CDH23: variants seen among roughly 807,000 people sequenced by gnomAD.
CDH23 encodes the protein cadherin related 23.
A neutral mutation model predicts 317.1 loss-of-function variants in CDH23; 189 were observed. That is an observed-to-expected ratio of 0.60 (90% CI 0.53 to 0.67). The LOEUF is 0.67. Ranked by LOEUF, CDH23 falls within the 30% of genes least tolerant of loss-of-function variation. The probability of loss-of-function intolerance (pLI) is 0.00; values close to 1 mark genes in which losing one functional copy is unlikely to be tolerated. For missense variants in CDH23, 4,401 were observed against 4,592.4 expected (o/e 0.96, Z 1.20); for synonymous variants, 1,839 against 1,876.8 (o/e 0.98, Z 0.52).
intron 14 of CDH23, among the ~76,000 whole-genome samples, chr10:71,659,903 G>A (rs1206235325): frequency 1.3e-5 from 2 of 151,092 alleles, no homozygotes; most frequent in Middle Eastern, 3.5e-3. Context: ...TCCAGACTTA[G>A]ATCACCCAGG....
Position 71,734,234 on chromosome 10 carries a change from C to A in CDH23, c.4105-6C>A. 6.2e-7 allele frequency: 1 copy of A among 1,604,586 alleles called. No homozygotes were observed. The highest frequency in any genetic ancestry group is 8.5e-7 in the Non-Finnish European group (1 of 1,175,666). On this transcript the variant is annotated splice_region_variant and splice_polypyrimidine_tract_variant and intron_variant, in intron 32 of 69. Transcript: ENST00000224721. The stretch of plus-strand genomic sequence containing the variant: ...GTCACTCACCCATCTGGCCCCTTCC[C>A]TGCAGGGTGTGATCACAGTCCAGGG...
intron 27 of CDH23, among the ~76,000 whole-genome samples, chr10:71,710,426 G>T (rs1372542242): frequency 1.3e-5 from 2 of 152,164 alleles, no homozygotes; most frequent in African/African-American, 4.8e-5. Flanking sequence ...CCTTCTTCAG[G>T]CCTCAGGGCA....
chr10:71,795,902 C>T (rs936829447), intron 48 of CDH23: 5 of 986,512 alleles, frequency 5.1e-6, no homozygotes, highest in Non-Finnish European at 6.0e-6. Flanking sequence ...CCATTGCCTT[C>T]CTCCATGCCC....
chr10:71,486,445 G>C (rs1852351183), intron 3 of CDH23, among the ~76,000 whole-genome samples: 1 of 152,048 alleles, frequency 6.6e-6, no homozygotes, highest in Non-Finnish European at 1.5e-5. Flanking sequence ...GGCCAGCCTA[G>C]AGTGGGGGCA....
At chr10:71,812,421 G>A (rs916815441) in intron 66 of CDH23, 59 bp from the exon 67 acceptor site, 33 of 1,610,236 alleles carry the variant, frequency 2.0e-5, no homozygotes, top group Non-Finnish European at 2.7e-5. Flanking sequence ...GAGGCTGGAA[G>A]GGCACCTGTC....
chr10:71,656,591 G>T (rs1863426638), intron 14 of CDH23, among the ~76,000 whole-genome samples: 1 of 152,190 alleles, frequency 6.6e-6, no homozygotes, highest in African/African-American at 2.4e-5. Flanking sequence ...ATACGACTGG[G>T]CAGGGGCGGG....
chr10:71,716,286 C>G, intron 28 of CDH23: 1 of 1,525,864 alleles, frequency 6.6e-7, no homozygotes, highest in Middle Eastern at 1.8e-4. Context: ...GAGAGAAAGG[C>G]GAGGGGGCTG....
At chr10:71,514,790 A>G (rs913090257) in intron 6 of CDH23, among the ~76,000 whole-genome samples, 1 of 152,246 alleles carries the variant, frequency 6.6e-6, no homozygotes, top group African/African-American at 2.4e-5. Context: ...AGAATTGGCA[A>G]CTTAATTCAC....
intron 1 of CDH23, among the ~76,000 whole-genome samples, chr10:71,421,433 C>T (rs1185330168): frequency 6.6e-6 from 1 of 152,218 alleles, no homozygotes; most frequent in African/African-American, 2.4e-5. Flanking sequence ...GAACAAATCT[C>T]ATTTTCAAGA....
chr10:71,807,738 C>A lies in CDH23; in HGVS notation c.8531C>A (p.Pro2844Gln). 1 of 1,606,964 alleles carries A rather than the reference C, an allele frequency of 6.2e-7. No homozygotes were observed. The highest frequency in any genetic ancestry group is 8.5e-7 in the Non-Finnish European group (1 of 1,176,684). Residue 2844 changes from proline (P) to glutamine (Q), a missense_variant, in exon 59 of 70, where the codon CCA becomes CAA. Coordinates refer to ENST00000224721, the MANE Select transcript of CDH23 (RefSeq NM_022124.6). ...VVLEDINDQP[P>Q]RFTKAEYTAG... is the part of the protein sequence containing the mutation. ...CTAGAGGACATCAACGACCAGCCAC[C>A]ACGCTTCACCAAGGCTGAGTACACT...
chr10:71,491,378 C>G, intron 3 of CDH23, among the ~76,000 whole-genome samples: 1 of 152,208 alleles, frequency 6.6e-6, no homozygotes, highest in Admixed American at 6.5e-5. Context: ...TTGAGAGACC[C>G]TGAGACATGC....
At chr10:71,664,271 G>A (rs1259225091) in intron 14 of CDH23, among the ~76,000 whole-genome samples, 4 of 152,196 alleles carry the variant, frequency 2.6e-5, no homozygotes, top group African/African-American at 4.8e-5. Flanking sequence ...GCTGGCCAGA[G>A]CAATTTGCTC....
chr10:71,459,809 G>T (rs995814480), intron 3 of CDH23, among the ~76,000 whole-genome samples: 2 of 152,172 alleles, frequency 1.3e-5, no homozygotes, highest in Non-Finnish European at 2.9e-5. Context: ...CAGCCCCAGA[G>T]CTCCCTGGAG....
chr10:71,766,874 C>T (rs561135153), intron 38 of CDH23, among the ~76,000 whole-genome samples: 22 of 152,346 alleles, frequency 1.4e-4, no homozygotes, highest in African/African-American at 5.1e-4. Flanking sequence ...GCTGATGCCT[C>T]ATCCTTCAGC....
At chr10:71,672,293 T>C (rs1397685378) in intron 14 of CDH23, among the ~76,000 whole-genome samples, 1 of 151,956 alleles carries the variant, frequency 6.6e-6, no homozygotes, top group Non-Finnish European at 1.5e-5. Context: ...ACAATGTGTG[T>C]AGGAGGGGAG....
chr10:71,778,376 C>A, intron 40 of CDH23, 68 bp downstream of exon 40: 2 of 1,594,004 alleles, frequency 1.3e-6, no homozygotes, highest in East Asian at 2.3e-5. Context: ...CAGAAAGCTC[C>A]GATGCGGGAA....
chr10:71,617,180 C>T (rs764036746), intron 10 of CDH23, 25 bp from the exon 11 acceptor site: 15 of 1,601,028 alleles, frequency 9.4e-6, no homozygotes, highest in Admixed American at 3.4e-5. Flanking sequence ...GCCTTCACTC[C>T]GGGGTGACTG....
In CDH23 at chr10:71,501,845, G is replaced by A. The variant is rs1261694834; in HGVS notation, c.146-8237G>A. On this transcript the variant is annotated intron_variant, in intron 3 of 69. Coordinates refer to ENST00000224721, the MANE Select transcript of CDH23 (RefSeq NM_022124.6). ...CAGGGACCCGGCCAGCCAGGAGGAG[G>A]AGGGTGGGTTTCCCTTCTTGCAGGT... Among the ~76,000 whole-genome samples the A allele has an allele frequency of 3.9e-5, 6 of 152,222 alleles. No individual in the cohort carries two copies. In the East Asian group the frequency reaches 7.7e-4, roughly 20 times the overall value.
chr10:71,790,284 C>T lies in CDH23; in HGVS notation c.5924-4C>T. 1.2e-6 allele frequency: 2 copies of T among 1,613,682 alleles called. No individual in the cohort carries two copies. The highest frequency in any genetic ancestry group is 1.1e-5 in the South Asian group (1 of 91,070). ...TTGTGGTGACCCCTCTCCTTCTGGC[C>T]CAGGCACCCCTCTCACGGTGCTCAA... On this transcript the variant is annotated splice_region_variant and splice_polypyrimidine_tract_variant and intron_variant, in intron 45 of 69. Coordinates refer to ENST00000224721, the MANE Select transcript of CDH23 (RefSeq NM_022124.6).
Sources: gnomAD v4.1 joint callset for allele counts (sites outside exome capture counted in the v4.1 genomes callset) on GRCh38, gnomAD v4.1.1 for gene constraint, MANE v1.5 for transcripts, NCBI Gene and HGNC (gene_info 2026-07-23, HGNC 2026-07-21) for gene names.